Variants in RFX3 observed in about 807,000 individuals in gnomAD.
RFX3 encodes regulatory factor X3, also known as transcription factor RFX3.
Under a neutral mutation model 98.6 loss-of-function variants are expected in RFX3, and 14 were observed. The observed-to-expected ratio is 0.14, with a 90% CI of 0.09 to 0.22. The LOEUF (loss-of-function observed/expected upper bound fraction) is 0.22. RFX3 is among the 10% of genes least tolerant of loss of function. The pLI is 1.00. For missense variants in RFX3, 639 were observed against 926.9 expected (o/e 0.69, Z 4.03); for synonymous variants, 383 against 328.4 (o/e 1.17, Z -1.80).
intron 15 of RFX3, chr9:3,247,634 T>G: frequency 7.3e-7 from 1 of 1,363,772 alleles, no homozygotes; most frequent in Non-Finnish European, 9.5e-7. Flanking sequence ...TACTTTGTTC[T>G]TGGAGACCGG....
chr9:3,494,316 C>G (rs572574244), intron 1 of RFX3, among the ~76,000 whole-genome samples: 58 of 152,240 alleles, frequency 3.8e-4, no homozygotes, highest in African/African-American at 1.4e-3. Flanking sequence ...CCCTTCAGAT[C>G]TTAAATTTTT....
intron 1 of RFX3, among the ~76,000 whole-genome samples, chr9:3,444,185 A>G (rs542530701): frequency 1.2e-4 from 18 of 152,354 alleles, no homozygotes; most frequent in Admixed American, 5.2e-4. Context: ...AGGTGAATAT[A>G]TAAACTCATT....
In RFX3 at chr9:3,381,540, G is replaced by A. The variant is rs570285806; in HGVS notation, c.117+13932C>T. Among the ~76,000 whole-genome samples the A allele has an allele frequency of 1.1e-4, 16 of 152,228 alleles. No individual in the cohort carries two copies. The South Asian group carries it at 3.3e-3, about 32-fold the overall frequency. On this transcript the variant is annotated intron_variant, in intron 2 of 16. Coordinates refer to ENST00000617270, the MANE Select transcript of RFX3 (RefSeq NM_001282116.2). The stretch of plus-strand genomic sequence containing the variant: ...ATTATGGTTTAATTCTGCTAATGAT[G>A]AGATAGAAAGTTAACTTGAGATTCA...
intron 1 of RFX3, among the ~76,000 whole-genome samples, chr9:3,422,297 C>G (rs1006162378): frequency 1.3e-5 from 2 of 152,194 alleles, no homozygotes; most frequent in Admixed American, 6.5e-5. Flanking sequence ...CATTCCCAAA[C>G]TGACCCTGAA....
intron 2 of RFX3, among the ~76,000 whole-genome samples, chr9:3,377,555 C>A (rs903583568): frequency 6.6e-6 from 1 of 151,598 alleles, no homozygotes; most frequent in Non-Finnish European, 1.5e-5. Flanking sequence ...AACTGCACGC[C>A]GTGCACATGT....
At chr9:3,489,647 A>C (rs1207714775) in intron 1 of RFX3, among the ~76,000 whole-genome samples, 4 of 152,200 alleles carry the variant, frequency 2.6e-5, no homozygotes, top group Admixed American at 6.5e-5. Context: ...CTTAATGTTT[A>C]GTCTATGAAA....
intron 1 of RFX3, among the ~76,000 whole-genome samples, chr9:3,520,477 T>C (rs564864067): frequency 7.2e-5 from 11 of 152,290 alleles, no homozygotes; most frequent in African/African-American, 2.2e-4. Flanking sequence ...ATACAAGAAG[T>C]AGCCCAAGAT....
chr9:3,239,208 C>T (rs749582820), intron 15 of RFX3, among the ~76,000 whole-genome samples: 81 of 152,220 alleles, frequency 5.3e-4, no homozygotes, highest in Non-Finnish European at 9.4e-4. Flanking sequence ...GTTTTGCAAG[C>T]GAGGAAAAGG....
intron 1 of RFX3, among the ~76,000 whole-genome samples, chr9:3,444,458 G>A (rs1845861127): frequency 6.6e-6 from 1 of 151,868 alleles, no homozygotes; most frequent in Non-Finnish European, 1.5e-5. Flanking sequence ...AGAGAATAGG[G>A]ACACAGGGAA....
Position 3,330,268 on chromosome 9 carries a change from G to C in RFX3, c.465C>G (p.Ser155=). Reference sequence around the variant, plus strand: ...AAATTCAAATACTTACTGTCGCTGGGGAGGCCCGAGTTGTGTGTGTCACTG... The same window carrying C: ...AAATTCAAATACTTACTGTCGCTGGCGAGGCCCGAGTTGTGTGTGTCACTG... The part of the protein sequence containing the change: ...GHSVTHTTRA[S]PATIEMAIET... The change falls in exon 4 of 17, where the codon TCC becomes TCG. Residue 155 remains serine (S), a synonymous_variant. Transcript: ENST00000617270. 6.2e-7 allele frequency: 1 copy of C among 1,614,014 alleles called. No homozygotes were observed. The highest frequency in any genetic ancestry group is 1.3e-5 in the African/African-American group (1 of 75,052).
chr9:3,325,323 T>C (rs923875622), intron 4 of RFX3, among the ~76,000 whole-genome samples: 1 of 152,110 alleles, frequency 6.6e-6, no homozygotes, highest in Non-Finnish European at 1.5e-5. Flanking sequence ...AACTTTCTAT[T>C]AATTATATAA....
At chr9:3,459,687 T>C (rs1291053490) in intron 1 of RFX3, among the ~76,000 whole-genome samples, 1 of 152,170 alleles carries the variant, frequency 6.6e-6, no homozygotes, top group Non-Finnish European at 1.5e-5. Context: ...CTTTTTGTTC[T>C]GTGCTTCAGT....
chr9:3,374,368 T>G (rs1234606762), intron 2 of RFX3, among the ~76,000 whole-genome samples: 2 of 152,180 alleles, frequency 1.3e-5, no homozygotes, highest in African/African-American at 4.8e-5. Context: ...AAGAGATATT[T>G]GTACAGCCCA....
intron 1 of RFX3, among the ~76,000 whole-genome samples, chr9:3,436,849 C>G (rs1335640005): frequency 1.3e-5 from 2 of 151,960 alleles, no homozygotes; most frequent in Admixed American, 6.6e-5. Context: ...AAGCAAGAAG[C>G]CTGAGCCAAT....
chr9:3,371,689 A>G (rs1274305099), intron 2 of RFX3, among the ~76,000 whole-genome samples: 1 of 152,200 alleles, frequency 6.6e-6, no homozygotes, highest in East Asian at 1.9e-4. Flanking sequence ...GAGTAACATA[A>G]ATTACTAAAT....
chr9:3,245,754 C>T (rs1354698833), intron 15 of RFX3, among the ~76,000 whole-genome samples: 1 of 151,992 alleles, frequency 6.6e-6, no homozygotes, highest in Admixed American at 6.6e-5. Flanking sequence ...TTTGTGGTTG[C>T]TATTATTACT....
intron 1 of RFX3, among the ~76,000 whole-genome samples, chr9:3,451,842 T>G (rs1373270113): frequency 1.3e-5 from 2 of 152,070 alleles, no homozygotes; most frequent in Non-Finnish European, 2.9e-5. Flanking sequence ...AGTTTTTTTT[T>G]TTTTTTAATA....
intron 3 of RFX3, among the ~76,000 whole-genome samples, chr9:3,342,884 T>G (rs1158709892): frequency 6.6e-6 from 1 of 152,206 alleles, no homozygotes; most frequent in East Asian, 1.9e-4. Context: ...TAGCATGGGT[T>G]CCTACAGAAG....
At chr9:3,389,619 T>G (rs1283566409) in intron 2 of RFX3, among the ~76,000 whole-genome samples, 3 of 152,114 alleles carry the variant, frequency 2.0e-5, no homozygotes, top group Admixed American at 6.6e-5. Flanking sequence ...CTAAACTTTT[T>G]GAGTGCCAGT....
Sources: gnomAD v4.1 joint callset for allele counts (sites outside exome capture counted in the v4.1 genomes callset) on GRCh38, gnomAD v4.1.1 for gene constraint, MANE v1.5 for transcripts, NCBI Gene and HGNC (gene_info 2026-07-23, HGNC 2026-07-21) for gene names.